IL36G: variants seen among roughly 807,000 people sequenced by gnomAD.
IL36G encodes interleukin 36 gamma, also known as interleukin-36 gamma.
IL36G carries 10 observed loss-of-function variants against 13.5 expected under a neutral mutation model. The ratio of observed to expected loss-of-function variants is 0.74; its 90% CI spans 0.46 to 1.26. IL36G has a LOEUF of 1.26. Among genes scored for constraint, IL36G ranks in the 50% most tolerant of loss-of-function variants. IL36G has a pLI of 0.00. For missense variants in IL36G, 199 were observed against 203.0 expected, an observed-to-expected ratio of 0.98 and a Z score of 0.12; for synonymous variants, 84 against 74.0, an observed-to-expected ratio of 1.13 and a Z score of -0.69.
intron 2 of IL36G, among the ~76,000 whole-genome samples, 169 bp from the exon 3 acceptor site, chr2:112,979,052 C>T (rs1394494496): frequency 1.3e-5 from 2 of 152,240 alleles, no homozygotes; most frequent in African/African-American, 4.8e-5. Context: ...CTCACAACTT[C>T]ACTAGAAAGA....
At chr2:112,980,169 T>A in intron 4 of IL36G, 21 bp downstream of exon 4, 1 of 1,603,056 alleles carries the variant, frequency 6.2e-7, no homozygotes, top group Non-Finnish European at 8.5e-7. Flanking sequence ...AAGAAAAATA[T>A]TTAAAAAGCC....
intron 1 of IL36G, 89 bp downstream of exon 1, chr2:112,978,167 C>T (rs1684197536): frequency 5.8e-6 from 1 of 171,082 alleles, no homozygotes; most frequent in Non-Finnish European, 1.3e-5. Context: ...GGAAGGGCCA[C>T]ATCAGGCTGG....
chr2:112,985,002 C>A lies in IL36G; in HGVS notation c.463C>A (p.Leu155Ile), dbSNP rs1684327980. 4 of 1,614,046 alleles carry A rather than the reference C, an allele frequency of 2.5e-6. No individual in the cohort carries two copies. Among genetic ancestry groups the A allele is most frequent in the Non-Finnish European group, 1.7e-6 (2 of 1,179,964 alleles). Residue 155 changes from leucine (L) to isoleucine (I), a missense_variant, in exon 5 of 5, where the codon CTT becomes ATT. Physicochemically the swap from Leu to Ile is conservative, Grantham distance 5. Transcript: ENST00000259205. The stretch of plus-strand genomic sequence containing the variant: ...CCAGCCCATCATTCTGACTTCAGAA[C>A]TTGGGAAGTCATACAACACTGCCTT... ...RDQPIILTSE[L>I]GKSYNTAFEL...
chr2:112,979,729 C>T (rs561394514), intron 3 of IL36G, among the ~76,000 whole-genome samples: 4 of 152,140 alleles, frequency 2.6e-5, no homozygotes, highest in Non-Finnish European at 5.9e-5. Context: ...TAGGAGCTCC[C>T]CATCTCCATG....
In IL36G at chr2:112,985,266, G is replaced by C. The variant is rs77810983; in HGVS notation, c.*217G>C. ...AAGCAGGAGAGCTGGGTGGTATAAG[G>C]CTGTCCTCTCAAGCTGGTGCTGTGT... On this transcript the variant is annotated 3_prime_UTR_variant, in exon 5 of 5. Transcript: ENST00000259205. 4.7e-4 allele frequency: 253 copies of C among 535,698 alleles called. 1 individual carries two copies. The East Asian group carries it at 8.0e-3, about 17-fold the overall frequency. 33.2% of individuals were successfully genotyped at this position (535,698 alleles called of 1,614,324 possible).
In IL36G at chr2:112,980,095, GA is replaced by G; in HGVS notation, c.250del (p.Met84CysfsTer16). 1 of 1,614,154 alleles carries G rather than the reference GA, an allele frequency of 6.2e-7. No homozygotes were observed. The highest frequency in any genetic ancestry group is 8.5e-7 in the Non-Finnish European group (1 of 1,179,980). On this transcript the variant is annotated frameshift_variant, in exon 4 of 5. Coordinates refer to ENST00000259205, the MANE Select transcript of IL36G (RefSeq NM_019618.4). LOFTEE classifies it high-confidence loss of function. ...DPIYLGIQNP[E>X]MCLYCEKVGE... ...CATTTATTTGGGAATCCAGAATCCA[GA>G]AATGTGTTTGTATTGTGAGAAGGTT...
chr2:112,979,882 T>C, intron 3 of IL36G, 127 bp from the exon 4 acceptor site: 1 of 789,646 alleles, frequency 1.3e-6, no homozygotes, highest in Non-Finnish European at 2.0e-6. Context: ...GGCCATTTGG[T>C]GGGTCTAGTT....
intron 4 of IL36G, among the ~76,000 whole-genome samples, chr2:112,980,764 C>G (rs574248906): frequency 6.6e-6 from 1 of 152,252 alleles, no homozygotes; most frequent in East Asian, 1.9e-4. Context: ...AGGGCCAGGT[C>G]CCAACAGATG....
chr2:112,980,229 G>T, intron 4 of IL36G, 81 bp downstream of exon 4: 2 of 1,174,570 alleles, frequency 1.7e-6, no homozygotes, highest in Non-Finnish European at 1.2e-6. Context: ...AATTAAAAAA[G>T]AAATAGTCTC....
rs376108462 is a variant in IL36G, at chr2:112,979,212, C to G, written c.56-9C>G. 1 of 1,552,572 alleles carries G rather than the reference C, an allele frequency of 6.4e-7. No individual in the cohort carries two copies. The highest frequency in any genetic ancestry group is 8.9e-7 in the Non-Finnish European group (1 of 1,124,628). The stretch of plus-strand genomic sequence containing the variant: ...TATTTCTTCATTTTTTTCTCTATCC[C>G]AAAATCAGTGTGTAAACCTATTACT... On this transcript the variant is annotated splice_polypyrimidine_tract_variant and intron_variant, in intron 2 of 4. Coordinates refer to ENST00000259205, the MANE Select transcript of IL36G (RefSeq NM_019618.4).
At chr2:112,979,889 A>G (rs781729189) in intron 3 of IL36G, 120 bp from the exon 4 acceptor site, 19 of 891,046 alleles carry the variant, frequency 2.1e-5, no homozygotes, top group Non-Finnish European at 2.9e-5. Flanking sequence ...TGGTGGGTCT[A>G]GTTGGGATTA....
At chr2:112,980,873 G>T (rs960732194) in intron 4 of IL36G, among the ~76,000 whole-genome samples, 1 of 152,192 alleles carries the variant, frequency 6.6e-6, no homozygotes, top group African/African-American at 2.4e-5. Flanking sequence ...TTCTGCCAAG[G>T]TGGCCATGTG....
chr2:112,978,773 C>G, intron 2 of IL36G, 80 bp downstream of exon 2: 1 of 1,357,886 alleles, frequency 7.4e-7, no homozygotes, highest in East Asian at 2.3e-5. Flanking sequence ...AAGCCCCAGC[C>G]TTCTCTGCTC....
At chr2:112,978,287 G>A (rs147627165) in intron 1 of IL36G, among the ~76,000 whole-genome samples, 26 of 152,310 alleles carry the variant, frequency 1.7e-4, no homozygotes, top group African/African-American at 3.4e-4. Context: ...AAACAATGCC[G>A]ATGAAGGGGT....
intron 1 of IL36G, 117 bp downstream of exon 1, chr2:112,978,195 T>C (rs897385582): frequency 4.8e-6 from 1 of 206,638 alleles, no homozygotes; most frequent in Non-Finnish European, 9.8e-6. Flanking sequence ...CTTTGTCCTA[T>C]GTGTGGCTGC....
At chr2:112,981,874 A>G (rs1684269089) in intron 4 of IL36G, among the ~76,000 whole-genome samples, 1 of 151,530 alleles carries the variant, frequency 6.6e-6, no homozygotes, top group South Asian at 2.1e-4. Context: ...TTCTTTTTTT[A>G]TTTTTTAATG....
Position 112,980,050 on chromosome 2 carries a change from G to A in IL36G, c.202G>A (p.Glu68Lys), listed in dbSNP as rs1270614374. The part of the protein sequence containing the change: ...VITCKYPEAL[E>K]QGRGDPIYLG... ...CACATGCAAGTATCCAGAGGCTCTTGAGCAAGGCAGAGGGGATCCCATTTA... is the reference window on the plus strand; with the variant it reads ...CACATGCAAGTATCCAGAGGCTCTTAAGCAAGGCAGAGGGGATCCCATTTA... Residue 68 changes from glutamate (E) to lysine (K), a missense_variant, in exon 4 of 5, where the codon GAG (glutamate) becomes AAG (lysine). Glu to Lys is a moderately conservative substitution (Grantham distance 56). Transcript: ENST00000259205. 6 of 1,613,904 alleles carry A rather than the reference G, an allele frequency of 3.7e-6. 1 individual carries two copies. In the South Asian group the frequency reaches 6.6e-5, roughly 18 times the overall value.
At chr2:112,980,208 C>G in intron 4 of IL36G, 60 bp downstream of exon 4, 2 of 1,388,436 alleles carry the variant, frequency 1.4e-6, no homozygotes, top group Non-Finnish European at 2.0e-6. Flanking sequence ...TGGTTGAATA[C>G]CTAATTTTAG....
At chr2:112,981,902 C>T (rs1019982252) in intron 4 of IL36G, among the ~76,000 whole-genome samples, 2 of 152,070 alleles carry the variant, frequency 1.3e-5, no homozygotes, top group Non-Finnish European at 2.9e-5. Flanking sequence ...GTCCTCGTTC[C>T]ACAAACTTCA....
Sources: allele counts gnomAD v4.1 joint callset (sites outside exome capture counted in the v4.1 genomes callset), GRCh38; gene constraint gnomAD v4.1.1; transcripts MANE v1.5; gene names NCBI Gene and HGNC (gene_info 2026-07-23, HGNC 2026-07-21).